The following MLH3 variants were observed in gnomAD, a reference collection of about 807,000 sequenced individuals.
The protein encoded by MLH3 is DNA mismatch repair protein Mlh3.
In MLH3, 82 loss-of-function variants were observed where a neutral mutation model predicts 122.2. The observed-to-expected ratio is 0.67, with a 90% CI of 0.56 to 0.81. The LOEUF is 0.81. MLH3 is among the 30% of genes least tolerant of loss of function. The pLI is 0.00. For synonymous variants in MLH3, 524 were observed against 599.5 expected (o/e 0.87, Z 1.84); for missense variants, 1,539 against 1,714.5 (o/e 0.90, Z 1.81).
At chr14:75,050,945 A>G (rs1052851831) in intron 1 of MLH3, 1 of 152,298 alleles carries the variant, frequency 6.6e-6, no homozygotes, top group Non-Finnish European at 1.5e-5. Context: ...CCGGTTTTCC[A>G]AACTCGGGAC....
At chr14:75,036,612 G>C (rs868418970) in intron 6 of MLH3, 2 of 455,340 alleles carry the variant, frequency 4.4e-6, no homozygotes, top group Middle Eastern at 6.5e-4. Flanking sequence ...CCAAAGTGCT[G>C]GGATTACAGG....
At chr14:75,039,786 ACG>A (rs891866108) in intron 5 of MLH3, 123 bp downstream of exon 5, 3 of 276,486 alleles carry the variant, frequency 1.1e-5, no homozygotes, top group South Asian at 1.1e-4. Context: ...ACACACACAC[ACG>A]TGCCTTGACC....
intron 6 of MLH3, among the ~76,000 whole-genome samples, chr14:75,037,306 A>C (rs1474993239): frequency 6.6e-6 from 1 of 152,248 alleles, no homozygotes; most frequent in South Asian, 2.1e-4. Context: ...TGATGAAATC[A>C]AATCTCCCAA....
At chr14:75,033,327 T>G (rs963287931) in intron 7 of MLH3, 92 bp downstream of exon 7, 12 of 988,668 alleles carry the variant, frequency 1.2e-5, no homozygotes, top group Non-Finnish European at 1.8e-5. Context: ...AAAGTGTGCT[T>G]TCTCACAACA....
chr14:75,030,418 C>T, intron 9 of MLH3, 125 bp downstream of exon 9: 1 of 979,212 alleles, frequency 1.0e-6, no homozygotes, highest in Non-Finnish European at 1.6e-6. Context: ...TTTCTAGCTC[C>T]TGGCACACCG....
chr14:75,029,838 T>C (rs1200433637), intron 9 of MLH3, among the ~76,000 whole-genome samples: 3 of 152,108 alleles, frequency 2.0e-5, no homozygotes, highest in Non-Finnish European at 4.4e-5. Flanking sequence ...CCCAGCCTAG[T>C]TTCCCACTAT....
chr14:75,046,632 C>A lies in MLH3; in HGVS notation c.3024G>T (p.Pro1008=). ...LDSPSGMLMN[P]VEDATGDQNG... ...TTTGGTCACCTGTGGCATCTTCTAC[C>A]GGATTCATTAACATTCCACTGGGAG... Residue 1008 remains proline, a synonymous_variant, in exon 2 of 13, where the codon CCG becomes CCT. Coordinates refer to ENST00000355774, the MANE Select transcript of MLH3 (RefSeq NM_001040108.2). The A allele has an allele frequency of 6.2e-7, 1 of 1,614,206 alleles. No individual in the cohort carries two copies. The highest frequency in any genetic ancestry group is 8.5e-7 in the Non-Finnish European group (1 of 1,180,024).
rs1892280814 is a variant in MLH3, at chr14:75,046,977, C to T, written c.2679G>A (p.Met893Ile). 1 of 1,614,174 alleles carries T rather than the reference C, an allele frequency of 6.2e-7. No individual in the cohort carries two copies. The highest frequency in any genetic ancestry group is 8.5e-7 in the Non-Finnish European group (1 of 1,180,018). Residue 893 changes from methionine to isoleucine, a missense_variant, in exon 2 of 13, where the codon ATG becomes ATA. Transcript: ENST00000355774. Reference protein sequence around the residue: ...SERETQTMGMMSRFNELPNSD... With the variant: ...SERETQTMGMISRFNELPNSD... ...AATTTGGAAGTTCATTAAAACGACT[C>T]ATCATCCCCATTGTTTGAGTTTCTC...
Position 75,049,516 on chromosome 14 carries a change from A to G in MLH3, c.140T>C (p.Met47Thr), listed in dbSNP as rs1290668915. ...EAKCVAVRVN[M>T]ETFQVQVIDN... The stretch of plus-strand genomic sequence containing the variant: ...TATCACTTGAACTTGGAAGGTTTCC[A>G]TATTCACCCTGACAGCCACACATTT... The change falls in exon 2 of 13, where the codon ATG (methionine) becomes ACG (threonine). Residue 47 changes from methionine (M) to threonine (T), a missense_variant. By Grantham distance (81) the Met-to-Thr change is moderately conservative. Transcript: ENST00000355774. 6.2e-7 allele frequency: 1 copy of G among 1,614,224 alleles called. No individual in the cohort carries two copies. The highest frequency in any genetic ancestry group is 1.1e-5 in the South Asian group (1 of 91,084).
chr14:75,042,776 A>G (rs1240959620), intron 2 of MLH3, among the ~76,000 whole-genome samples: 2 of 146,928 alleles, frequency 1.4e-5, no homozygotes, highest in Non-Finnish European at 3.0e-5. Context: ...ATGTCTTGAG[A>G]CCCTTTTTTT....
At chr14:75,027,172 C>T (rs979576507) in intron 9 of MLH3, among the ~76,000 whole-genome samples, 16 of 151,856 alleles carry the variant, frequency 1.1e-4, no homozygotes, top group Non-Finnish European at 7.4e-5. Flanking sequence ...GGGGGGATAA[C>T]TGGCAATGTG....
chr14:75,018,567 A>C (rs112095493), intron 12 of MLH3, among the ~76,000 whole-genome samples: 1 of 152,380 alleles, frequency 6.6e-6, no homozygotes, highest in African/African-American at 2.4e-5. Flanking sequence ...ATAGATATTC[A>C]GGGTACATAA....
chr14:75,034,380 T>C (rs1275095331), intron 6 of MLH3, among the ~76,000 whole-genome samples: 3 of 152,160 alleles, frequency 2.0e-5, no homozygotes, highest in African/African-American at 7.2e-5. Context: ...AAGAATGTAC[T>C]TCCAGTGCAC....
chr14:75,049,255 T>G lies in MLH3; in HGVS notation c.401A>C (p.Glu134Ala). ...AGCGCTTGCTCTAGTCACATCAGCT[T>G]CACAAGCTTTCAGGGCTTTTCCACT... ...FQSGKALKAC[E>A]ADVTRASAGT... The change falls in exon 2 of 13, where the codon GAA (glutamate) becomes GCA (alanine). Residue 134 changes from glutamate to alanine, a missense_variant. Coordinates refer to ENST00000355774, the MANE Select transcript of MLH3 (RefSeq NM_001040108.2). 1 of 1,614,232 alleles carries G rather than the reference T, an allele frequency of 6.2e-7. No individual in the cohort carries two copies. The highest frequency in any genetic ancestry group is 8.5e-7 in the Non-Finnish European group (1 of 1,180,026).
At chr14:75,039,877 ATATATT>A (rs771686699) in intron 5 of MLH3, 28 bp downstream of exon 5, 2 of 441,952 alleles carry the variant, frequency 4.5e-6, no homozygotes, top group Non-Finnish European at 8.2e-6. Context: ...ATATATATAT[ATATATT>A]TATGAGATTT....
chr14:75,038,290 GT>G, intron 6 of MLH3, 49 bp downstream of exon 6: 1 of 1,236,928 alleles, frequency 8.1e-7, no homozygotes, highest in South Asian at 1.2e-5. Context: ...TTAAAAAAAG[GT>G]TACAAGAAGA....
At position 75,040,016 on chromosome 14, in the gene MLH3, C is replaced by T; in HGVS notation, c.3466-1G>A. 1 of 1,523,178 alleles carries T rather than the reference C, an allele frequency of 6.6e-7. No homozygotes were observed. Among genetic ancestry groups the T allele is most frequent in the East Asian group, 2.3e-5 (1 of 43,770 alleles). 94.4% of individuals were successfully genotyped at this position (1,523,178 alleles called of 1,614,324 possible). Reference sequence around the variant, plus strand: ...GGCCACTGCTTACATCAACAGCAACCTAGAAAGACTCAGCAAAATATAATT... The same window carrying T: ...GGCCACTGCTTACATCAACAGCAACTTAGAAAGACTCAGCAAAATATAATT... On this transcript the variant is annotated splice_acceptor_variant, in intron 4 of 12. Transcript: ENST00000355774. LOFTEE classifies it high-confidence loss of function.
intron 6 of MLH3, among the ~76,000 whole-genome samples, chr14:75,034,422 AG>A (rs1891251948): frequency 6.6e-6 from 1 of 152,164 alleles, no homozygotes; most frequent in South Asian, 2.1e-4. Flanking sequence ...CGTTTTCTGA[AG>A]GGCCAGATCA....
At chr14:75,030,775 T>A in intron 8 of MLH3, 73 bp from the exon 9 acceptor site, 1 of 1,291,108 alleles carries the variant, frequency 7.7e-7, no homozygotes, top group South Asian at 1.2e-5. Flanking sequence ...TGGTTCCAAA[T>A]ACTACTTAAT....
Sources: gnomAD v4.1 joint callset for allele counts (sites outside exome capture counted in the v4.1 genomes callset) on GRCh38, gnomAD v4.1.1 for gene constraint, MANE v1.5 for transcripts, NCBI Gene and HGNC (gene_info 2026-07-23, HGNC 2026-07-21) for gene names.